Variants in ZNF175 observed in about 807,000 individuals in gnomAD.
ZNF175 encodes the protein zinc finger protein 175.
In ZNF175, 8 loss-of-function variants were observed where a neutral mutation model predicts 14.0. That is an observed-to-expected ratio of 0.57 (90% CI 0.34 to 1.03). ZNF175 has a LOEUF of 1.03. Among genes scored for constraint, ZNF175 ranks in the 50% least tolerant of loss-of-function variants. The probability of loss-of-function intolerance (pLI) is 0.03; values close to 1 mark genes in which losing one functional copy is unlikely to be tolerated. For missense variants in ZNF175, 764 were observed against 849.5 expected (o/e 0.90, Z 1.25); for synonymous variants, 255 against 296.8 (o/e 0.86, Z 1.45).
intron 4 of ZNF175, among the ~76,000 whole-genome samples, chr19:51,586,312 C>T (rs1982161278): frequency 6.6e-6 from 1 of 152,160 alleles, no homozygotes; most frequent in East Asian, 1.9e-4. Context: ...GTGATCTTGG[C>T]CAATTACATA....
chr19:51,573,413 C>T lies in ZNF175; in HGVS notation c.72+12C>T. On this transcript the variant is annotated intron_variant, in intron 2 of 4. Coordinates refer to ENST00000262259, the MANE Select transcript of ZNF175 (RefSeq NM_007147.4). ...ATGGATCTTGCGAGGTAAACAGGGG[C>T]AGCCCTGGGGATAGTTCTCCAGAAC... The T allele has an allele frequency of 2.5e-6, 4 of 1,612,646 alleles. No homozygotes were observed. Among genetic ancestry groups the T allele is most frequent in the Non-Finnish European group, 3.4e-6 (4 of 1,179,450 alleles).
intron 4 of ZNF175, among the ~76,000 whole-genome samples, chr19:51,584,697 C>T (rs1056950650): frequency 6.6e-6 from 1 of 152,044 alleles, no homozygotes; most frequent in African/African-American, 2.4e-5. Flanking sequence ...GACATGTCTT[C>T]AAAGATGATA....
At position 51,586,792 on chromosome 19, in the gene ZNF175, A is replaced by G; in HGVS notation, c.461A>G (p.Gln154Arg). 1 of 1,614,242 alleles carries G rather than the reference A, an allele frequency of 6.2e-7. No homozygotes were observed. Among genetic ancestry groups the G allele is most frequent in the Non-Finnish European group, 8.5e-7 (1 of 1,180,038 alleles). ...RTKKDEQNQIQPMSHSAFFNK... is the reference protein window; with the variant it reads ...RTKKDEQNQIRPMSHSAFFNK... ...AAGAAAGATGAGCAAAATCAAATTC[A>G]ACCCATGAGTCACAGTGCTTTCTTC... is the stretch of plus-strand genomic sequence containing the variant. Residue 154 changes from glutamine to arginine, a missense_variant, in exon 5 of 5, where the codon CAA (glutamine) becomes CGA (arginine). Gln to Arg is a conservative substitution (Grantham distance 43, BLOSUM62 1). Coordinates refer to ENST00000262259, the MANE Select transcript of ZNF175 (RefSeq NM_007147.4).
At position 51,587,996 on chromosome 19, in the gene ZNF175, A is replaced by C. The variant is rs1982228728; in HGVS notation, c.1665A>C (p.Gly555=). Residue 555 remains glycine, a synonymous_variant, in exon 5 of 5, where the codon GGA becomes GGC. Coordinates refer to ENST00000262259, the MANE Select transcript of ZNF175 (RefSeq NM_007147.4). The stretch of plus-strand genomic sequence containing the variant: ...GCATGCATCAGAGAATTCACACCGG[A>C]GAGAAGCCTTACAAATGCAGTGAAT... The part of the protein sequence containing the change: ...ILSMHQRIHT[G]EKPYKCSECG... The C allele has an allele frequency of 6.2e-7, 1 of 1,613,926 alleles. No individual in the cohort carries two copies. The highest frequency in any genetic ancestry group is 1.7e-5 in the Admixed American group (1 of 59,992).
In ZNF175 at chr19:51,587,190, A is replaced by C; in HGVS notation, c.859A>C (p.Ser287Arg). Reference protein sequence around the residue: ...KPDGCSECGGSFTQKSHLFAQ... With the variant: ...KPDGCSECGGRFTQKSHLFAQ... The stretch of plus-strand genomic sequence containing the variant: ...AGATGGATGTTCTGAATGTGGGGGG[A>C]GCTTCACCCAGAAGTCACACCTCTT... Residue 287 changes from serine (S) to arginine (R), a missense_variant, in exon 5 of 5, where the codon AGC becomes CGC. Ser to Arg is a moderately radical substitution (Grantham distance 110). Coordinates refer to ENST00000262259, the MANE Select transcript of ZNF175 (RefSeq NM_007147.4). The C allele has an allele frequency of 6.2e-7, 1 of 1,614,138 alleles. No individual in the cohort carries two copies. The highest frequency in any genetic ancestry group is 8.5e-7 in the Non-Finnish European group (1 of 1,180,014).
Position 51,586,857 on chromosome 19 carries a change from A to G in ZNF175, c.526A>G (p.Lys176Glu). The change falls in exon 5 of 5, where the codon AAG becomes GAG. Residue 176 changes from lysine to glutamate, a missense_variant. Lys to Glu is a moderately conservative substitution (Grantham distance 56). Transcript: ENST00000262259. Reference protein sequence around the residue: ...TLNTESNCEYKDPGKMIRTRP... With the variant: ...TLNTESNCEYEDPGKMIRTRP... ...GAACACAGAAAGCAATTGTGAATATAAGGACCCTGGGAAAATGATTCGCAC... is the reference window on the plus strand; with the variant it reads ...GAACACAGAAAGCAATTGTGAATATGAGGACCCTGGGAAAATGATTCGCAC... The G allele has an allele frequency of 6.2e-7, 1 of 1,614,236 alleles. No homozygotes were observed. Among genetic ancestry groups the G allele is most frequent in the Non-Finnish European group, 8.5e-7 (1 of 1,180,026 alleles).
rs1469269500 is a variant in ZNF175 at position 51,587,875 on chromosome 19, A to G, written c.1544A>G (p.Lys515Arg). ...GACTGTGGAAAAACCTTCACCCAAA[A>G]GTCACACCTGAATATACACCAGAAA... ...CSDCGKTFTQ[K>R]SHLNIHQKIH... The change falls in exon 5 of 5, where the codon AAG becomes AGG. Residue 515 changes from lysine (K) to arginine (R), a missense_variant. Transcript: ENST00000262259. 6.2e-7 allele frequency: 1 copy of G among 1,614,134 alleles called. No homozygotes were observed. Among genetic ancestry groups the G allele is most frequent in the East Asian group, 2.2e-5 (1 of 44,884 alleles).
At chr19:51,573,483 T>C (rs774083156) in intron 2 of ZNF175, 82 bp downstream of exon 2, 2 of 1,372,294 alleles carry the variant, frequency 1.5e-6, no homozygotes, top group East Asian at 4.7e-5. Flanking sequence ...TCCCTGCTCC[T>C]GAGTCAGTCT....
rs1353259194 is a variant in ZNF175, at chr19:51,586,756, C to A, written c.425C>A (p.Ala142Asp). ...CSILEELRLD[A>D]DRTKKDEQNQ... ...ATTTTAGAAGAACTGAGGCTGGATG[C>A]TGACCGCACAAAGAAAGATGAGCAA... The change falls in exon 5 of 5, where the codon GCT (alanine) becomes GAT (aspartate). Residue 142 changes from alanine (A) to aspartate (D), a missense_variant. By Grantham distance (126) the Ala-to-Asp change is moderately radical. Transcript: ENST00000262259. The A allele has an allele frequency of 6.2e-6, 10 of 1,614,222 alleles. No homozygotes were observed. The highest frequency in any genetic ancestry group is 8.5e-6 in the Non-Finnish European group (10 of 1,180,034).
chr19:51,575,344 A>G (rs1981744880), intron 2 of ZNF175, among the ~76,000 whole-genome samples: 1 of 151,384 alleles, frequency 6.6e-6, no homozygotes, highest in Admixed American at 6.6e-5. Context: ...AGCCTCCTGA[A>G]TAGCTGGGAG....
chr19:51,585,285 A>G (rs1005515023), intron 4 of ZNF175, among the ~76,000 whole-genome samples: 1 of 152,204 alleles, frequency 6.6e-6, no homozygotes, highest in African/African-American at 2.4e-5. Flanking sequence ...TAGAGACAGA[A>G]TAAGATTGTG....
intron 4 of ZNF175, among the ~76,000 whole-genome samples, chr19:51,585,685 G>T (rs781672247): frequency 4.6e-5 from 7 of 152,234 alleles, no homozygotes; most frequent in Middle Eastern, 3.4e-3. Flanking sequence ...TTTTTATTGA[G>T]AACCTGCTGT....
intron 2 of ZNF175, among the ~76,000 whole-genome samples, chr19:51,579,074 G>C (rs1332668392): frequency 6.6e-6 from 1 of 152,050 alleles, no homozygotes; most frequent in East Asian, 1.9e-4. Context: ...CCAACATAAT[G>C]AAACCCCGTG....
intron 4 of ZNF175, among the ~76,000 whole-genome samples, chr19:51,584,980 G>A (rs1982119861): frequency 6.6e-6 from 1 of 152,154 alleles, no homozygotes; most frequent in Non-Finnish European, 1.5e-5. Context: ...CCACTTCTGG[G>A]TAGATACCCA....
At chr19:51,573,601 G>A in intron 2 of ZNF175, 200 bp downstream of exon 2, 1 of 564,714 alleles carries the variant, frequency 1.8e-6, no homozygotes, top group Non-Finnish European at 3.1e-6. Flanking sequence ...GATAGTAGAG[G>A]GTTGGCCTTG....
In ZNF175 at chr19:51,587,990, C is replaced by G; in HGVS notation, c.1659C>G (p.His553Gln). The G allele has an allele frequency of 6.2e-7, 1 of 1,614,104 alleles. No individual in the cohort carries two copies. The highest frequency in any genetic ancestry group is 8.5e-7 in the Non-Finnish European group (1 of 1,180,020). The change falls in exon 5 of 5, where the codon CAC becomes CAG. Residue 553 changes from histidine (H) to glutamine (Q), a missense_variant. By Grantham distance (24) the His-to-Gln change is conservative. Coordinates refer to ENST00000262259, the MANE Select transcript of ZNF175 (RefSeq NM_007147.4). ...TACTCAGCATGCATCAGAGAATTCA[C>G]ACCGGAGAGAAGCCTTACAAATGCA... ...KSILSMHQRI[H>Q]TGEKPYKCSE...
At position 51,573,243 on chromosome 19, in the gene ZNF175, A is replaced by C; in HGVS notation, c.-87A>C. 6 of 1,402,424 alleles carry C rather than the reference A, an allele frequency of 4.3e-6. No individual in the cohort carries two copies. Among genetic ancestry groups the C allele is most frequent in the Non-Finnish European group, 6.0e-6 (6 of 994,902 alleles). The allele number at this position is 1,402,424 out of a possible 1,614,324, so 86.9% of individuals were successfully genotyped here. On this transcript the variant is annotated 5_prime_UTR_variant, in exon 2 of 5. Coordinates refer to ENST00000262259, the MANE Select transcript of ZNF175 (RefSeq NM_007147.4). ...GACTCTCCGCCGTGTCCCTGGTTGG[A>C]AAATCCAAACACCTATCCAGCTTCT...
chr19:51,581,912 A>T, intron 4 of ZNF175, 30 bp downstream of exon 4: 2 of 1,588,196 alleles, frequency 1.3e-6, no homozygotes, highest in Non-Finnish European at 1.7e-6. Flanking sequence ...GCAAATGTAG[A>T]TATCTTTGCA....
intron 2 of ZNF175, among the ~76,000 whole-genome samples, chr19:51,579,876 C>T (rs1981937508): frequency 6.6e-6 from 1 of 151,986 alleles, no homozygotes; most frequent in Admixed American, 6.6e-5. Flanking sequence ...CTGAGATGTG[C>T]TTGAAGTATA....
Sources: gnomAD v4.1 joint callset for allele counts (sites outside exome capture counted in the v4.1 genomes callset) on GRCh38, gnomAD v4.1.1 for gene constraint, MANE v1.5 for transcripts, NCBI Gene and HGNC (gene_info 2026-07-23, HGNC 2026-07-21) for gene names.